DACH1: variants seen among roughly 807,000 people sequenced by gnomAD.
DACH1 encodes the protein dachshund homolog 1.
In DACH1, 12 loss-of-function variants were observed where a neutral mutation model predicts 54.2. The ratio of observed to expected loss-of-function variants is 0.22; its 90% CI spans 0.14 to 0.36. The LOEUF (loss-of-function observed/expected upper bound fraction) is 0.36. Ranked by LOEUF, DACH1 falls within the 10% of genes least tolerant of loss-of-function variation. The probability of loss-of-function intolerance (pLI) is 1.00; values close to 1 mark genes in which losing one functional copy is unlikely to be tolerated. For synonymous variants in DACH1, 386 were observed against 366.2 expected (o/e 1.05, Z -0.62); for missense variants, 805 against 929.8 (o/e 0.87, Z 1.75).
rs1389992081 is a variant in DACH1 at position 71,708,866 on chromosome 13, T to TC, written c.849-26957_849-26956insG. ...AGTTTTTTGTTGTTTTTTTTTTTTT[T>TC]TTTTGAGACGGAGTCTCGCTCTGTC... On this transcript the variant is annotated intron_variant, in intron 1 of 10. Transcript: ENST00000613252. Among the ~76,000 whole-genome samples, 154 of 148,512 alleles carry TC rather than the reference T, an allele frequency of 1.0e-3. 6 individuals carry two copies. The highest frequency in any genetic ancestry group is 3.5e-3 in the Middle Eastern group (1 of 284).
At chr13:71,737,646 T>A (rs1258546368) in intron 1 of DACH1, among the ~76,000 whole-genome samples, 1 of 152,188 alleles carries the variant, frequency 6.6e-6, no homozygotes, top group Non-Finnish European at 1.5e-5. Flanking sequence ...TTTTTGCTGT[T>A]GTTGATGTAT....
At chr13:71,765,654 G>T (rs1000700527) in intron 1 of DACH1, among the ~76,000 whole-genome samples, 5 of 152,188 alleles carry the variant, frequency 3.3e-5, no homozygotes, top group African/African-American at 1.2e-4. Flanking sequence ...AATAATGATG[G>T]TTATCATAGG....
intron 10 of DACH1, among the ~76,000 whole-genome samples, 175 bp downstream of exon 10, chr13:71,474,960 TAAAGAA>T (rs1447060040): frequency 6.6e-6 from 1 of 152,214 alleles, no homozygotes; most frequent in African/African-American, 2.4e-5. Context: ...CCTGTTAATT[TAAAGAA>T]AATCTATCAG....
At chr13:71,578,066 C>A (rs1433218264) in intron 3 of DACH1, among the ~76,000 whole-genome samples, 1 of 152,136 alleles carries the variant, frequency 6.6e-6, no homozygotes, top group Non-Finnish European at 1.5e-5. Flanking sequence ...TTTTAAATTA[C>A]TTGCATTAAA....
At chr13:71,865,577 C>T (rs558404647) in intron 1 of DACH1, among the ~76,000 whole-genome samples, 91 of 152,282 alleles carry the variant, frequency 6.0e-4, no homozygotes, top group African/African-American at 2.2e-3. Context: ...GCCCGCGCGC[C>T]CGGGGCAGGG....
chr13:71,789,604 T>G (rs1442492160), intron 1 of DACH1, among the ~76,000 whole-genome samples: 1 of 152,086 alleles, frequency 6.6e-6, no homozygotes, highest in Non-Finnish European at 1.5e-5. Context: ...AATATTAACA[T>G]TAAATCTACT....
intron 1 of DACH1, among the ~76,000 whole-genome samples, chr13:71,865,039 T>C (rs1221907650): frequency 6.6e-6 from 1 of 152,048 alleles, no homozygotes; most frequent in African/African-American, 2.4e-5. Flanking sequence ...GCTCCGTGGC[T>C]TTCCTTCCTA....
At chr13:71,831,362 T>C (rs1888582587) in intron 1 of DACH1, among the ~76,000 whole-genome samples, 1 of 151,722 alleles carries the variant, frequency 6.6e-6, no homozygotes, top group Non-Finnish European at 1.5e-5. Context: ...AAAATAAACA[T>C]AGAAACTAAT....
intron 1 of DACH1, among the ~76,000 whole-genome samples, chr13:71,699,358 A>T (rs929336457): frequency 6.6e-6 from 1 of 152,212 alleles, no homozygotes; most frequent in Non-Finnish European, 1.5e-5. Flanking sequence ...TTAAAATTGT[A>T]TTTCATTTTT....
rs539603916 is a variant in DACH1, at chr13:71,438,806, C to A, written c.*1849G>T. 1 of 152,456 alleles carries A rather than the reference C, an allele frequency of 6.6e-6. No individual in the cohort carries two copies. The highest frequency in any genetic ancestry group is 1.5e-5 in the Non-Finnish European group (1 of 67,864). The allele number at this position is 152,456 out of a possible 1,614,324, so 9.4% of individuals were successfully genotyped here. A position where few individuals can be genotyped will look rare whatever the true frequency, so the allele number is the denominator to read the frequency against. The stretch of plus-strand genomic sequence containing the variant: ...AGGAAAAGAATCCCTTGTGCTCAAA[C>A]AACAAAAGGTGGTTATGGAAGAACT... On this transcript the variant is annotated 3_prime_UTR_variant, in exon 11 of 11. Transcript: ENST00000613252.
chr13:71,625,379 A>T (rs771096515), intron 3 of DACH1, among the ~76,000 whole-genome samples: 1 of 151,998 alleles, frequency 6.6e-6, no homozygotes, highest in Non-Finnish European at 1.5e-5. Context: ...CATAAAATTA[A>T]TCTTTTCCTT....
chr13:71,787,496 C>A (rs1167670694), intron 1 of DACH1, among the ~76,000 whole-genome samples: 1 of 152,192 alleles, frequency 6.6e-6, no homozygotes, highest in African/African-American at 2.4e-5. Flanking sequence ...TGATGATGAA[C>A]CATTAAAGTT....
At chr13:71,790,472 T>C (rs991922692) in intron 1 of DACH1, among the ~76,000 whole-genome samples, 18 of 152,248 alleles carry the variant, frequency 1.2e-4, no homozygotes, top group South Asian at 2.1e-4. Context: ...GTTTTGGCCT[T>C]TGGCATAATG....
intron 3 of DACH1, among the ~76,000 whole-genome samples, chr13:71,624,830 T>C (rs1876525002): frequency 6.6e-6 from 1 of 151,826 alleles, no homozygotes; most frequent in African/African-American, 2.4e-5. Context: ...CAGTAATTGG[T>C]AAAAAATGAA....
chr13:71,596,893 A>G (rs149565315), intron 3 of DACH1, among the ~76,000 whole-genome samples: 12 of 152,342 alleles, frequency 7.9e-5, no homozygotes, highest in African/African-American at 2.9e-4. Context: ...GGAGAGGTTG[A>G]AGACTTGGAG....
chr13:71,662,656 A>T (rs1221465993), intron 2 of DACH1, among the ~76,000 whole-genome samples: 1 of 152,068 alleles, frequency 6.6e-6, no homozygotes, highest in East Asian at 1.9e-4. Context: ...ATCTTCAAAC[A>T]GCCACATTAT....
At chr13:71,754,980 A>T (rs1885084533) in intron 1 of DACH1, among the ~76,000 whole-genome samples, 1 of 152,162 alleles carries the variant, frequency 6.6e-6, no homozygotes, top group East Asian at 1.9e-4. Context: ...ATCATCATAA[A>T]CTACTTTATC....
At chr13:71,767,847 T>C (rs1885702281) in intron 1 of DACH1, among the ~76,000 whole-genome samples, 1 of 152,006 alleles carries the variant, frequency 6.6e-6, no homozygotes, top group African/African-American at 2.4e-5. Flanking sequence ...CCTTTAACAC[T>C]TTTCCTTCTG....
chr13:71,866,490 C>T lies in DACH1; in HGVS notation c.280G>A (p.Gly94Ser). 4 of 1,242,202 alleles carry T rather than the reference C, an allele frequency of 3.2e-6. No individual in the cohort carries two copies. The highest frequency in any genetic ancestry group is 7.4e-5 in the Admixed American group (2 of 27,038). The allele number at this position is 1,242,202 out of a possible 1,614,324, so 76.9% of individuals were successfully genotyped here. A position where few individuals can be genotyped will look rare whatever the true frequency, so the allele number is the denominator to read the frequency against. Residue 94 changes from glycine (G) to serine (S), a missense_variant, in exon 1 of 11, where the codon GGC becomes AGC. Coordinates refer to ENST00000613252, the MANE Select transcript of DACH1 (RefSeq NM_080759.6). The part of the protein sequence containing the change: ...GGGGSSGNGG[G>S]GGGGGGGSNC... ...CTGCCACCGCCGCCGCCGCCACCGC[C>T]GCCTCCGTTGCCGCTGCTGCCGCCG...
Sources: allele counts gnomAD v4.1 joint callset (sites outside exome capture counted in the v4.1 genomes callset), GRCh38; gene constraint gnomAD v4.1.1; transcripts MANE v1.5; gene names NCBI Gene and HGNC (gene_info 2026-07-23, HGNC 2026-07-21).